Variants in ARHGEF33 observed in about 807,000 individuals in gnomAD.
ARHGEF33 encodes Rho guanine nucleotide exchange factor 33.
In ARHGEF33, 72 loss-of-function variants were observed where a neutral mutation model predicts 101.9. That is an observed-to-expected ratio of 0.71 (90% confidence interval 0.58 to 0.86). The LOEUF (loss-of-function observed/expected upper bound fraction) is 0.86, where lower values mean the gene tolerates loss of function less well. ARHGEF33 is among the 40% of genes least tolerant of loss of function. ARHGEF33 has a pLI of 0.00. For missense variants in ARHGEF33, 1,169 were observed against 1,111.3 expected, an observed-to-expected ratio of 1.05 and a Z score of -0.74; for synonymous variants, 499 against 442.5, an observed-to-expected ratio of 1.13 and a Z score of -1.60.
Position 38,954,460 on chromosome 2 carries a change from G to C in ARHGEF33, c.1221+4G>C, listed in dbSNP as rs1667690131. On this transcript the variant is annotated splice_donor_region_variant and intron_variant, in intron 13 of 17. Coordinates refer to ENST00000409978, the MANE Select transcript of ARHGEF33 (RefSeq NM_001145451.5). Reference sequence around the variant, plus strand: ...TGAATATCTGATACATCTGCAGGTAGGCATGGGTGGGAAAGCCACCAAACT... The same window carrying C: ...TGAATATCTGATACATCTGCAGGTACGCATGGGTGGGAAAGCCACCAAACT... The C allele has an allele frequency of 6.5e-7, 1 of 1,543,858 alleles. No homozygotes were observed. The highest frequency in any genetic ancestry group is 8.8e-7 in the Non-Finnish European group (1 of 1,140,084).
intron 2 of ARHGEF33, among the ~76,000 whole-genome samples, chr2:38,903,491 G>A (rs1666296509): frequency 6.6e-6 from 1 of 151,918 alleles, no homozygotes; most frequent in South Asian, 2.1e-4. Flanking sequence ...TTTGGAGACA[G>A]GAGCATCCAG....
chr2:38,921,471 G>A, intron 4 of ARHGEF33, 48 bp downstream of exon 4: 1 of 1,219,588 alleles, frequency 8.2e-7, no homozygotes, highest in Non-Finnish European at 1.2e-6. Flanking sequence ...TAATAGCAAT[G>A]ACTGACTATT....
At position 38,957,605 on chromosome 2, in the gene ARHGEF33, T is replaced by C. The variant is rs181207030; in HGVS notation, c.1371-429T>C. ...AGATAGGTTTTATATTAGGGAGAAA[T>C]AGGAAGTGTGGATTAGGGAGGATCT... On this transcript the variant is annotated intron_variant, in intron 14 of 17. Coordinates refer to ENST00000409978, the MANE Select transcript of ARHGEF33 (RefSeq NM_001145451.5). Among the ~76,000 whole-genome samples, 118 of 152,236 alleles carry C rather than the reference T, an allele frequency of 7.8e-4. 3 individuals carry two copies. Among genetic ancestry groups the C allele is most frequent in the Non-Finnish European group, 1.2e-4 (8 of 68,012 alleles).
chr2:38,937,926 C>T (rs543966696), intron 9 of ARHGEF33, among the ~76,000 whole-genome samples: 4 of 152,294 alleles, frequency 2.6e-5, no homozygotes, highest in African/African-American at 7.2e-5. Flanking sequence ...TGCAACACAG[C>T]CTGTCCTCCC....
Position 38,915,615 on chromosome 2 carries a change from A to C in ARHGEF33, c.-85-3748A>C, listed in dbSNP as rs561909507. Among the ~76,000 whole-genome samples, 4 of 151,472 alleles carry C rather than the reference A, an allele frequency of 2.6e-5. No homozygotes were observed. The East Asian group carries it at 7.8e-4, about 30-fold the overall frequency. On this transcript the variant is annotated intron_variant, in intron 2 of 17. Coordinates refer to ENST00000409978, the MANE Select transcript of ARHGEF33 (RefSeq NM_001145451.5). ...TTGAACTCCTGGCCTCAAGCTATCC[A>C]CCTGCCTCGGCCTCCCAAAGTGCTG...
At chr2:38,966,275 G>GT in intron 17 of ARHGEF33, 130 bp downstream of exon 17, 1 of 1,205,560 alleles carries the variant, frequency 8.3e-7, no homozygotes. Flanking sequence ...CCTGCACCCA[G>GT]TAGCCACAGT....
chr2:38,902,165 G>A (rs1426340591), intron 2 of ARHGEF33, among the ~76,000 whole-genome samples: 2 of 151,022 alleles, frequency 1.3e-5, no homozygotes, highest in African/African-American at 4.9e-5. Flanking sequence ...AAAACAACTA[G>A]CATGGTTCTT....
chr2:38,957,808 C>T (rs539081549), intron 14 of ARHGEF33: 2 of 534,988 alleles, frequency 3.7e-6, no homozygotes, highest in Non-Finnish European at 3.3e-6. Context: ...CTCCATACCC[C>T]CAACCCCTTC....
At chr2:38,920,343 G>A (rs1026192662) in intron 3 of ARHGEF33, among the ~76,000 whole-genome samples, 4 of 151,000 alleles carry the variant, frequency 2.6e-5, no homozygotes, top group Middle Eastern at 3.2e-3. Flanking sequence ...TACATTCCAG[G>A]CCAACCTCTT....
chr2:38,963,620 A>G (rs1667992351), intron 16 of ARHGEF33, among the ~76,000 whole-genome samples: 1 of 152,224 alleles, frequency 6.6e-6, no homozygotes, highest in South Asian at 2.1e-4. Context: ...TCATGGTTCC[A>G]TAGAACGATT....
rs1036847460 is a variant in ARHGEF33 at position 38,958,102 on chromosome 2, C to G, written c.1439C>G (p.Pro480Arg). 5.2e-6 allele frequency: 8 copies of G among 1,552,044 alleles called. No individual in the cohort carries two copies. In the African/African-American group the frequency reaches 1.1e-4, roughly 21 times the overall value. The part of the protein sequence containing the change: ...QCANAGQDAS[P>R]TAGPEAVRDT... ...GCCAATGCTGGGCAAGATGCTTCCC[C>G]CACTGCAGGTCCTGAGGCTGTCCGT... Residue 480 changes from proline to arginine, a missense_variant, in exon 15 of 18, where the codon CCC (proline) becomes CGC (arginine). By Grantham distance (103) the Pro-to-Arg change is moderately radical. Transcript: ENST00000409978.
chr2:38,890,071 C>A (rs921710639), intron 1 of ARHGEF33, 85 bp downstream of exon 1: 3 of 282,986 alleles, frequency 1.1e-5, no homozygotes, highest in African/African-American at 2.3e-5. Flanking sequence ...ATCCTTACCA[C>A]GTGGTGTACT....
At chr2:38,949,460 C>T (rs1352886816) in intron 10 of ARHGEF33, among the ~76,000 whole-genome samples, 1 of 152,124 alleles carries the variant, frequency 6.6e-6, no homozygotes, top group East Asian at 1.9e-4. Context: ...CAGCTAGTCC[C>T]CCTTCCTCTT....
intron 16 of ARHGEF33, among the ~76,000 whole-genome samples, chr2:38,964,369 A>G (rs958603709): frequency 6.6e-6 from 1 of 152,004 alleles, no homozygotes; most frequent in African/African-American, 2.4e-5. Context: ...ATGCAGCTTA[A>G]TTGTCACTTG....
At chr2:38,929,496 A>G (rs541822904) in intron 5 of ARHGEF33, among the ~76,000 whole-genome samples, 1 of 152,028 alleles carries the variant, frequency 6.6e-6, no homozygotes, top group Admixed American at 6.5e-5. Context: ...CCTCTGGGCC[A>G]TCCATAGTTA....
chr2:38,922,917 C>T (rs949896322), intron 4 of ARHGEF33, among the ~76,000 whole-genome samples: 4 of 152,116 alleles, frequency 2.6e-5, no homozygotes, highest in Non-Finnish European at 5.9e-5. Context: ...AAGCAAAAAA[C>T]TGGTCTTCAC....
intron 2 of ARHGEF33, among the ~76,000 whole-genome samples, chr2:38,912,661 T>G (rs1666533489): frequency 6.6e-6 from 1 of 152,168 alleles, no homozygotes; most frequent in Non-Finnish European, 1.5e-5. Context: ...AATGATGACA[T>G]GTTTTCTCAA....
At chr2:38,961,830 G>T (rs1024026903) in intron 16 of ARHGEF33, among the ~76,000 whole-genome samples, 2 of 151,934 alleles carry the variant, frequency 1.3e-5, no homozygotes, top group African/African-American at 4.8e-5. Flanking sequence ...TAGATAAGTT[G>T]AATGTCCGAA....
chr2:38,916,970 T>C (rs182872321), intron 2 of ARHGEF33, among the ~76,000 whole-genome samples: 29 of 151,592 alleles, frequency 1.9e-4, no homozygotes, highest in African/African-American at 6.8e-4. Flanking sequence ...CCGATTAATT[T>C]TGTATTTTTA....
Sources: gnomAD v4.1 joint callset for allele counts (sites outside exome capture counted in the v4.1 genomes callset) on GRCh38, gnomAD v4.1.1 for gene constraint, MANE v1.5 for transcripts, NCBI Gene and HGNC (gene_info 2026-07-23, HGNC 2026-07-21) for gene names.